Variants in ANO3 observed in about 807,000 individuals in gnomAD.
ANO3 encodes the protein anoctamin-3.
In ANO3, 99 loss-of-function variants were observed where a neutral mutation model predicts 144.8. The ratio of observed to expected loss-of-function variants is 0.68; its 90% confidence interval spans 0.58 to 0.81. The LOEUF is 0.81. Among genes scored for constraint, ANO3 ranks in the 30% least tolerant of loss-of-function variants. ANO3 has a pLI of 0.00. For missense variants in ANO3, 905 were observed against 1,202.2 expected (o/e 0.75, Z 3.66); for synonymous variants, 414 against 392.6 (o/e 1.05, Z -0.64).
chr11:26,372,171 GAT>G (rs1856279938), intron 1 of ANO3, among the ~76,000 whole-genome samples: 1 of 152,112 alleles, frequency 6.6e-6, no homozygotes, highest in South Asian at 2.1e-4. Context: ...CTCTTCTTGT[GAT>G]AGTCAATTAT....
intron 1 of ANO3, among the ~76,000 whole-genome samples, chr11:26,289,211 C>G (rs1048068542): frequency 6.6e-6 from 1 of 151,902 alleles, no homozygotes; most frequent in African/African-American, 2.4e-5. Context: ...TAGCAGGAAA[C>G]AGATAAACCT....
At chr11:26,414,770 A>G (rs866829029) in intron 1 of ANO3, among the ~76,000 whole-genome samples, 3 of 151,836 alleles carry the variant, frequency 2.0e-5, no homozygotes, top group Non-Finnish European at 4.4e-5. Flanking sequence ...AAAAAAAAAA[A>G]AAAAAGAAAG....
intron 12 of ANO3, among the ~76,000 whole-genome samples, chr11:26,549,111 G>A (rs1849863902): frequency 6.6e-6 from 1 of 151,938 alleles, no homozygotes; most frequent in Admixed American, 6.6e-5. Flanking sequence ...AATGAACAAA[G>A]AGGAATGAAG....
intron 1 of ANO3, among the ~76,000 whole-genome samples, chr11:26,358,733 T>A (rs770074065): frequency 6.6e-6 from 1 of 152,142 alleles, no homozygotes. Flanking sequence ...GTTACACATG[T>A]ATTAAGCTAT....
intron 1 of ANO3, among the ~76,000 whole-genome samples, chr11:26,230,787 A>C (rs1402327819): frequency 9.5e-6 from 1 of 105,550 alleles, no homozygotes; most frequent in African/African-American, 3.7e-5. Context: ...ACAGAGCATG[A>C]CTCCATCTCC....
At chr11:26,503,862 A>G (rs1291751951) in intron 4 of ANO3, among the ~76,000 whole-genome samples, 6 of 152,130 alleles carry the variant, frequency 3.9e-5, no homozygotes, top group Non-Finnish European at 8.8e-5. Context: ...TTAAAATATG[A>G]AAAGCATATA....
intron 1 of ANO3, among the ~76,000 whole-genome samples, chr11:26,353,411 C>G (rs1183108138): frequency 2.0e-5 from 3 of 152,174 alleles, no homozygotes; most frequent in Non-Finnish European, 4.4e-5. Context: ...TTTTGTTAGT[C>G]ATGTGGAACT....
intron 1 of ANO3, among the ~76,000 whole-genome samples, chr11:26,231,165 C>A (rs926307821): frequency 9.2e-5 from 14 of 152,142 alleles, no homozygotes; most frequent in Non-Finnish European, 1.2e-4. Context: ...GCGTGAGCCA[C>A]CACGCTCCAC....
intron 1 of ANO3, among the ~76,000 whole-genome samples, chr11:26,406,011 A>C (rs1857267979): frequency 6.6e-6 from 1 of 151,934 alleles, no homozygotes; most frequent in Non-Finnish European, 1.5e-5. Context: ...AAGTGGATCA[A>C]ACTGAGAATG....
chr11:26,543,412 G>C (rs1849694709), intron 11 of ANO3, among the ~76,000 whole-genome samples: 1 of 151,846 alleles, frequency 6.6e-6, no homozygotes, highest in African/African-American at 2.4e-5. Flanking sequence ...GTAGAATGTG[G>C]ATCTGGAGAC....
intron 1 of ANO3, among the ~76,000 whole-genome samples, chr11:26,350,526 T>G (rs1245700234): frequency 1.3e-5 from 2 of 152,234 alleles, no homozygotes; most frequent in Non-Finnish European, 2.9e-5. Context: ...CAATTTGTAT[T>G]TAGATTCTGA....
rs577856271 is a variant in ANO3 at position 26,210,025 on chromosome 11, A to G, written c.154+20695A>G. ...TTTGTCAATTTTGGCTTTTGTTGCA[A>G]TCGCTTTTGGTGTTTTAGTCATGAA... On this transcript the variant is annotated intron_variant, in intron 1 of 27. Coordinates refer to the ANO3 transcript ENST00000672621. Among the ~76,000 whole-genome samples the G allele has an allele frequency of 1.3e-5, 2 of 152,218 alleles. 1 individual carries two copies. The highest frequency in any genetic ancestry group is 6.8e-3 in the Middle Eastern group (2 of 294).
In ANO3 at chr11:26,383,888, C is replaced by CTTTTTTTTT. The variant is rs61094091; in HGVS notation, c.46+51586_46+51594dup. ...CATTGTTCTTGTGCCATGCATTGTT[C>CTTTTTTTTT]TTTTTTTTTTTTTTTTTTTTTTTTT... On this transcript the variant is annotated intron_variant, in intron 1 of 26. Coordinates refer to ENST00000256737, the MANE Select transcript of ANO3 (RefSeq NM_031418.4). Among the ~76,000 whole-genome samples the CTTTTTTTTT allele has an allele frequency of 1.4e-3, 95 of 70,172 alleles. 18 individuals are homozygous for CTTTTTTTTT. Among genetic ancestry groups the CTTTTTTTTT allele is most frequent in the East Asian group, 1.7e-3 (3 of 1,798 alleles). 46.0% of individuals were successfully genotyped at this position (70,172 alleles called of 152,430 possible).
At chr11:26,191,460 C>T (rs955682493) in intron 1 of ANO3, among the ~76,000 whole-genome samples, 3 of 152,124 alleles carry the variant, frequency 2.0e-5, no homozygotes, top group African/African-American at 7.2e-5. Flanking sequence ...CCTAACTGAT[C>T]TCACCTTCTC....
At chr11:26,291,057 G>A (rs1439532347) in intron 1 of ANO3, among the ~76,000 whole-genome samples, 1 of 152,134 alleles carries the variant, frequency 6.6e-6, no homozygotes, top group Non-Finnish European at 1.5e-5. Flanking sequence ...TCTCTTTGTA[G>A]GTCTCTAAGG....
At chr11:26,616,919 C>T (rs1852278371) in intron 17 of ANO3, among the ~76,000 whole-genome samples, 1 of 152,040 alleles carries the variant, frequency 6.6e-6, no homozygotes, top group African/African-American at 2.4e-5. Flanking sequence ...ACTACAGGCG[C>T]ACGCCATCAT....
intron 1 of ANO3, among the ~76,000 whole-genome samples, chr11:26,377,021 C>A (rs1856432456): frequency 6.6e-6 from 1 of 152,098 alleles, no homozygotes; most frequent in Non-Finnish European, 1.5e-5. Context: ...ATGAAAAATT[C>A]TTAGATTCAT....
Position 26,191,179 on chromosome 11 carries a change from G to A in ANO3, c.154+1849G>A, listed in dbSNP as rs569363721. Among the ~76,000 whole-genome samples, 3 of 152,244 alleles carry A rather than the reference G, an allele frequency of 2.0e-5. No individual in the cohort carries two copies. The East Asian group carries it at 5.8e-4, about 29-fold the overall frequency. On this transcript the variant is annotated intron_variant, in intron 1 of 27. Transcript: ENST00000672621. Reference sequence around the variant, plus strand: ...TAATCCCAGCTACTTGGGAGGCTGAGACAGGCGAGAATTGCTTGGACCCGG... The same window carrying A: ...TAATCCCAGCTACTTGGGAGGCTGAAACAGGCGAGAATTGCTTGGACCCGG...
intron 1 of ANO3, among the ~76,000 whole-genome samples, chr11:26,195,522 G>A (rs1405907757): frequency 6.6e-6 from 1 of 152,154 alleles, no homozygotes; most frequent in African/African-American, 2.4e-5. Flanking sequence ...ATTAAAGGAG[G>A]AAACGGAGAG....
Sources: gnomAD v4.1 joint callset for allele counts (sites outside exome capture counted in the v4.1 genomes callset) on GRCh38, gnomAD v4.1.1 for gene constraint, MANE v1.5 for transcripts, NCBI Gene and HGNC (gene_info 2026-07-23, HGNC 2026-07-21) for gene names.